The following NTM variants were observed in gnomAD, a reference collection of about 807,000 sequenced individuals.
NTM encodes the protein neurotrimin, also known as IgLON family member 2.
Under a neutral mutation model 42.1 loss-of-function variants are expected in NTM, and 13 were observed. The ratio of observed to expected loss-of-function variants is 0.31; its 90% CI spans 0.20 to 0.49. The LOEUF (loss-of-function observed/expected upper bound fraction) is 0.49, where lower values mean the gene tolerates loss of function less well. Among genes scored for constraint, NTM ranks in the 20% least tolerant of loss-of-function variants. NTM has a pLI of 0.99. For synonymous variants in NTM, 187 were observed against 179.2 expected (o/e 1.04, Z -0.35); for missense variants, 373 against 452.8 (o/e 0.82, Z 1.60).
At chr11:131,792,655 A>G (rs1221606163) in intron 1 of NTM, among the ~76,000 whole-genome samples, 1 of 152,122 alleles carries the variant, frequency 6.6e-6, no homozygotes, top group Non-Finnish European at 1.5e-5. Context: ...TGTGGCTTAG[A>G]CGGTGATGCT....
chr11:132,062,915 A>G (rs956243370), intron 2 of NTM, among the ~76,000 whole-genome samples: 4 of 152,092 alleles, frequency 2.6e-5, no homozygotes, highest in Non-Finnish European at 5.9e-5. Context: ...ACCAGGCAGG[A>G]TGGGTGGGGC....
chr11:131,773,407 G>C (rs1240563439), intron 1 of NTM, among the ~76,000 whole-genome samples: 2 of 152,208 alleles, frequency 1.3e-5, no homozygotes, highest in South Asian at 2.1e-4. Flanking sequence ...CATAGCACTA[G>C]GGTGCCTATA....
chr11:131,602,319 T>A (rs2060556490), intron 1 of NTM, among the ~76,000 whole-genome samples: 1 of 152,130 alleles, frequency 6.6e-6, no homozygotes, highest in Admixed American at 6.6e-5. Flanking sequence ...AGGACAGGGG[T>A]TTCCATCGCC....
At chr11:132,301,859 C>A (rs1037302750) in intron 4 of NTM, among the ~76,000 whole-genome samples, 3 of 152,118 alleles carry the variant, frequency 2.0e-5, no homozygotes, top group African/African-American at 7.2e-5. Context: ...GGTATATATG[C>A]CATAAAAATA....
chr11:131,936,580 TTCA>T (rs2059241283), intron 2 of NTM, among the ~76,000 whole-genome samples: 1 of 152,170 alleles, frequency 6.6e-6, no homozygotes, highest in African/African-American at 2.4e-5. Context: ...AATCCTAGAC[TTCA>T]TCACTATAAA....
chr11:131,903,034 A>G (rs2053384166), intron 1 of NTM, among the ~76,000 whole-genome samples: 1 of 152,246 alleles, frequency 6.6e-6, no homozygotes, highest in South Asian at 2.1e-4. Flanking sequence ...GTCCAGAAGA[A>G]ACAAACACTA....
chr11:131,580,966 C>G (rs1205276341), intron 1 of NTM, among the ~76,000 whole-genome samples: 1 of 152,108 alleles, frequency 6.6e-6, no homozygotes, highest in Non-Finnish European at 1.5e-5. Flanking sequence ...TATGCTTGGT[C>G]AGTAGACAAC....
At chr11:131,425,903 A>T (rs1350701790) in intron 1 of NTM, among the ~76,000 whole-genome samples, 1 of 152,086 alleles carries the variant, frequency 6.6e-6, no homozygotes, top group Non-Finnish European at 1.5e-5. Context: ...GGGCAGTAGT[A>T]GAGTTGTGTT....
intron 1 of NTM, among the ~76,000 whole-genome samples, chr11:131,855,534 T>C (rs1255282892): frequency 2.6e-5 from 4 of 152,242 alleles, no homozygotes; most frequent in Non-Finnish European, 2.9e-5. Flanking sequence ...TGTTTCTGCC[T>C]TTCCTTAAAC....
chr11:132,315,936 G>A lies in NTM; in HGVS notation c.934+1233G>A, dbSNP rs1024653096. 1.0e-4 allele frequency among the ~76,000 whole-genome samples: 15 copies of A among 143,958 alleles called. No individual in the cohort carries two copies. The South Asian group carries it at 1.2e-3, about 12-fold the overall frequency. 94.4% of individuals were successfully genotyped at this position (143,958 alleles called of 152,430 possible). A position where few individuals can be genotyped will look rare whatever the true frequency, so the allele number is the denominator to read the frequency against. On this transcript the variant is annotated intron_variant, in intron 7 of 8. Coordinates refer to ENST00000683400, the MANE Select transcript of NTM (RefSeq NM_001352005.2). Reference sequence around the variant, plus strand: ...CATAAGAGCCCCTTGCATTTTTCATGCCTTTTTGCCTTTTTGGCAGGCGTC... The same window carrying A: ...CATAAGAGCCCCTTGCATTTTTCATACCTTTTTGCCTTTTTGGCAGGCGTC...
chr11:131,820,046 G>A (rs1246792770), intron 1 of NTM, among the ~76,000 whole-genome samples: 1 of 152,154 alleles, frequency 6.6e-6, no homozygotes. Flanking sequence ...AGCAATTGTT[G>A]CATCTCTCAC....
chr11:132,066,339 C>T (rs2056478633), intron 2 of NTM, among the ~76,000 whole-genome samples: 1 of 152,178 alleles, frequency 6.6e-6, no homozygotes, highest in Admixed American at 6.5e-5. Flanking sequence ...TGTTGTCAGC[C>T]ATCCCTGTAT....
intron 2 of NTM, among the ~76,000 whole-genome samples, chr11:132,012,382 G>A (rs919610214): frequency 5.9e-5 from 9 of 152,022 alleles, no homozygotes; most frequent in Non-Finnish European, 1.3e-4. Flanking sequence ...CAATGCTTTT[G>A]GAATGAAAAA....
chr11:131,562,587 T>C (rs1484927815), intron 1 of NTM, among the ~76,000 whole-genome samples: 1 of 152,128 alleles, frequency 6.6e-6, no homozygotes. Context: ...AGCCAGGAGA[T>C]GCAGCCAGCA....
At chr11:131,619,195 A>C (rs2062264267) in intron 1 of NTM, among the ~76,000 whole-genome samples, 2 of 152,342 alleles carry the variant, frequency 1.3e-5, no homozygotes, top group South Asian at 4.1e-4. Context: ...CATGCTGGGC[A>C]TTGAGTGGCA....
At chr11:132,188,583 T>C (rs935814840) in intron 3 of NTM, among the ~76,000 whole-genome samples, 6 of 152,140 alleles carry the variant, frequency 3.9e-5, no homozygotes, top group Non-Finnish European at 8.8e-5. Flanking sequence ...TTATTATGCA[T>C]TTTAGAGGTG....
intron 2 of NTM, among the ~76,000 whole-genome samples, chr11:131,954,510 A>T (rs1189944127): frequency 2.0e-5 from 3 of 152,354 alleles, no homozygotes; most frequent in Admixed American, 1.3e-4. Context: ...CCGATGATAC[A>T]GCAGGAGGAT....
intron 1 of NTM, among the ~76,000 whole-genome samples, chr11:131,511,813 G>T (rs1211328496): frequency 6.6e-6 from 1 of 152,080 alleles, no homozygotes; most frequent in African/African-American, 2.4e-5. Flanking sequence ...GCACAAATGG[G>T]GCATTTGCTC....
chr11:131,976,931 G>A (rs2064473977), intron 2 of NTM, among the ~76,000 whole-genome samples: 1 of 152,158 alleles, frequency 6.6e-6, no homozygotes, highest in African/African-American at 2.4e-5. Context: ...CACAGAGAAT[G>A]AAAAATATCG....
Sources: allele counts gnomAD v4.1 joint callset (sites outside exome capture counted in the v4.1 genomes callset), GRCh38; gene constraint gnomAD v4.1.1; transcripts MANE v1.5; gene names NCBI Gene and HGNC (gene_info 2026-07-23, HGNC 2026-07-21).